The following AGBL1 variants were observed in gnomAD, a reference collection of about 807,000 sequenced individuals.
AGBL1 encodes the protein AGBL carboxypeptidase 1.
AGBL1 carries 130 observed loss-of-function variants against 118.9 expected under a neutral mutation model. The observed-to-expected ratio is 1.09, with a 90% CI of 0.95 to 1.26. The LOEUF (loss-of-function observed/expected upper bound fraction) is 1.26, where lower values mean the gene tolerates loss of function less well. Ranked by LOEUF, AGBL1 falls within the 50% of genes most tolerant of loss-of-function variation. The pLI is 0.00. For synonymous variants in AGBL1, 555 were observed against 478.9 expected (o/e 1.16, Z -2.08); for missense variants, 1,584 against 1,298.1 (o/e 1.22, Z -3.38).
chr15:87,002,252 T>G (rs1296268116), intron 24 of AGBL1, among the ~76,000 whole-genome samples: 1 of 152,128 alleles, frequency 6.6e-6, no homozygotes, highest in African/African-American at 2.4e-5. Context: ...CCCCATTTCT[T>G]GTTTTTGTCA....
At chr15:86,828,583 A>C (rs2079063412) in intron 22 of AGBL1, among the ~76,000 whole-genome samples, 2 of 152,272 alleles carry the variant, frequency 1.3e-5, no homozygotes, top group South Asian at 4.1e-4. Context: ...GGTCTCTAGA[A>C]GTAGAAAGTA....
chr15:86,554,571 T>C, intron 21 of AGBL1, 34 bp downstream of exon 21: 1 of 1,426,648 alleles, frequency 7.0e-7, no homozygotes, highest in Non-Finnish European at 9.2e-7. Context: ...ATACTTTCTG[T>C]CCAGCAACAA....
At chr15:86,536,560 C>T (rs893644986) in intron 19 of AGBL1, among the ~76,000 whole-genome samples, 7 of 152,138 alleles carry the variant, frequency 4.6e-5, no homozygotes, top group African/African-American at 9.7e-5. Context: ...CTGCCCGCCT[C>T]GGCCTCCCAA....
chr15:86,600,868 A>T (rs970195805), intron 21 of AGBL1, among the ~76,000 whole-genome samples: 2 of 152,292 alleles, frequency 1.3e-5, no homozygotes, highest in African/African-American at 4.8e-5. Context: ...AAACATTCTA[A>T]ACACTACTGC....
chr15:86,185,741 C>T (rs1357309865), intron 5 of AGBL1, among the ~76,000 whole-genome samples: 1 of 149,122 alleles, frequency 6.7e-6, no homozygotes, highest in African/African-American at 2.5e-5. Flanking sequence ...GAACATCACA[C>T]ACTGGGGCCT....
chr15:86,844,182 C>T (rs1287101799), intron 22 of AGBL1, among the ~76,000 whole-genome samples: 1 of 152,166 alleles, frequency 6.6e-6, no homozygotes, highest in Non-Finnish European at 1.5e-5. Flanking sequence ...ATAAATAATG[C>T]TGCCGTGAAC....
At chr15:86,872,379 C>G (rs1318016095) in intron 22 of AGBL1, among the ~76,000 whole-genome samples, 1 of 152,192 alleles carries the variant, frequency 6.6e-6, no homozygotes, top group African/African-American at 2.4e-5. Flanking sequence ...AAGTTTTCCT[C>G]CTTCATAAAT....
At chr15:86,320,313 G>A (rs1365780535) in intron 17 of AGBL1, among the ~76,000 whole-genome samples, 1 of 149,468 alleles carries the variant, frequency 6.7e-6, no homozygotes, top group African/African-American at 2.5e-5. Context: ...TTTTTTTTTT[G>A]TATAAAGAGC....
intron 21 of AGBL1, among the ~76,000 whole-genome samples, chr15:86,647,329 G>A (rs770786427): frequency 8.5e-5 from 13 of 152,206 alleles, no homozygotes; most frequent in Non-Finnish European, 1.8e-4. Flanking sequence ...TTTACTATAT[G>A]CTAGCTATTG....
chr15:86,417,467 C>G (rs2081712084), intron 18 of AGBL1, among the ~76,000 whole-genome samples: 1 of 152,152 alleles, frequency 6.6e-6, no homozygotes, highest in African/African-American at 2.4e-5. Flanking sequence ...TTGAACATAT[C>G]CTAAGTAAGA....
chr15:86,154,525 C>T lies in AGBL1; in HGVS notation c.358C>T (p.His120Tyr), dbSNP rs770592400. The change falls in exon 4 of 23, where the codon CAC becomes TAC. Residue 120 changes from histidine to tyrosine, a missense_variant. Transcript: ENST00000614907. ...KNLSHGQNLL[H>Y]CLWALRVFAS... ...CCTATCCCATGGCCAGAATCTCCTC[C>T]ACTGTCTCTGGGCTCTGCGTGTGTT... 4.3e-6 allele frequency: 7 copies of T among 1,613,048 alleles called. No homozygotes were observed. The East Asian group carries it at 1.3e-4, about 31-fold the overall frequency.
At chr15:86,986,698 CTTCAT>C (rs1445086458) in intron 23 of AGBL1, among the ~76,000 whole-genome samples, 1 of 152,084 alleles carries the variant, frequency 6.6e-6, no homozygotes, top group Non-Finnish European at 1.5e-5. Flanking sequence ...TTGTACATCT[CTTCAT>C]TTATTTGTGT....
chr15:86,504,633 A>G (rs1197969595), intron 18 of AGBL1, among the ~76,000 whole-genome samples: 1 of 151,580 alleles, frequency 6.6e-6, no homozygotes, highest in East Asian at 1.9e-4. Flanking sequence ...ATCTAGTCAG[A>G]TTAAAACAAA....
rs554153457 is a variant in AGBL1, at chr15:87,006,590, C to G, written c.3323+18502C>G. ...ACCTGATTTTCCAGGTGTCATCTGT[C>G]ACAGCTTTGCTTGGCTATGAAAGGG... is the stretch of plus-strand genomic sequence containing the variant. On this transcript the variant is annotated intron_variant, in intron 24 of 24. Transcript: ENST00000441037. Among the ~76,000 whole-genome samples the G allele has an allele frequency of 3.3e-5, 5 of 152,274 alleles. No homozygotes were observed. In the South Asian group the frequency reaches 1.0e-3, roughly 32 times the overall value.
intron 24 of AGBL1, among the ~76,000 whole-genome samples, chr15:87,027,465 GCATTATATAATACATTATATAGATGTA>G: frequency 2.7e-5 from 1 of 37,568 alleles, no homozygotes; most frequent in African/African-American, 2.3e-4. Context: ...GATGTATTAT[GCATTATATAATACATTATATAGATGTA>G]TTATGCATTA....
chr15:86,924,435 CA>C (rs2080510667), intron 23 of AGBL1, among the ~76,000 whole-genome samples: 1 of 152,208 alleles, frequency 6.6e-6, no homozygotes, highest in Non-Finnish European at 1.5e-5. Flanking sequence ...CTTTGAAGTA[CA>C]GCCGTGTTAG....
intron 18 of AGBL1, among the ~76,000 whole-genome samples, chr15:86,457,561 A>C (rs898529749): frequency 9.2e-5 from 14 of 152,182 alleles, no homozygotes; most frequent in African/African-American, 3.1e-4. Flanking sequence ...TAGAGCATCT[A>C]TGTCTCGGGA....
intron 5 of AGBL1, among the ~76,000 whole-genome samples, chr15:86,160,099 GTTTTT>G (rs1162570173): frequency 9.1e-6 from 1 of 110,272 alleles, no homozygotes; most frequent in Non-Finnish European, 1.8e-5. Context: ...GGGAACTGTG[GTTTTT>G]TTTTTTTTTT....
chr15:86,798,980 T>A (rs941129186), intron 22 of AGBL1, among the ~76,000 whole-genome samples: 1 of 151,966 alleles, frequency 6.6e-6, no homozygotes, highest in Non-Finnish European at 1.5e-5. Flanking sequence ...ATTAAAATAA[T>A]AAATGTATTT....
Sources: allele counts gnomAD v4.1 joint callset (sites outside exome capture counted in the v4.1 genomes callset), GRCh38; gene constraint gnomAD v4.1.1; transcripts MANE v1.5; gene names NCBI Gene and HGNC (gene_info 2026-07-23, HGNC 2026-07-21).